Variants in TRPM3 observed in about 807,000 individuals in gnomAD.
TRPM3 encodes the protein long transient receptor potential channel 3.
A neutral mutation model predicts 181.2 loss-of-function variants in TRPM3; 77 were observed. The ratio of observed to expected loss-of-function variants is 0.42; its 90% CI spans 0.35 to 0.51. The LOEUF is 0.51. TRPM3 is among the 20% of genes least tolerant of loss of function. TRPM3 has a pLI of 0.01. For synonymous variants in TRPM3, 745 were observed against 796.4 expected (o/e 0.94, Z 1.09); for missense variants, 1,759 against 2,196.7 (o/e 0.80, Z 3.98).
chr9:70,871,929 A>T (rs1003529265), intron 1 of TRPM3, among the ~76,000 whole-genome samples: 1 of 152,038 alleles, frequency 6.6e-6, no homozygotes, highest in African/African-American at 2.4e-5. Flanking sequence ...ACTGGTACAC[A>T]ACTCCGTTTT....
At chr9:71,229,209 C>T (rs868333810) in intron 1 of TRPM3, among the ~76,000 whole-genome samples, 1 of 152,036 alleles carries the variant, frequency 6.6e-6, no homozygotes, top group Non-Finnish European at 1.5e-5. Context: ...CAAATGCATG[C>T]ATTGGGGAAT....
intron 1 of TRPM3, among the ~76,000 whole-genome samples, chr9:71,194,558 A>C (rs1741543045): frequency 6.6e-6 from 1 of 151,904 alleles, no homozygotes; most frequent in South Asian, 2.1e-4. Context: ...AGAAGATGGA[A>C]AGACACTGGG....
At chr9:71,390,087 G>C (rs1461526689) in intron 1 of TRPM3, among the ~76,000 whole-genome samples, 1 of 152,018 alleles carries the variant, frequency 6.6e-6, no homozygotes, top group African/African-American at 2.4e-5. Flanking sequence ...TGACACATGA[G>C]TTAAATAGAT....
At chr9:71,082,030 C>T (rs1212284481) in intron 1 of TRPM3, among the ~76,000 whole-genome samples, 1 of 152,066 alleles carries the variant, frequency 6.6e-6, no homozygotes, top group Non-Finnish European at 1.5e-5. Flanking sequence ...TTAAACAAAT[C>T]CATATTGAAA....
chr9:71,121,102 C>A, intron 1 of TRPM3, 76 bp downstream of exon 1: 1 of 1,480,098 alleles, frequency 6.8e-7, no homozygotes, highest in Non-Finnish European at 9.3e-7. Context: ...AGGTGCGTCC[C>A]AGCCCAAGTC....
chr9:70,660,750 AC>A (rs751629171), intron 9 of TRPM3, among the ~76,000 whole-genome samples: 1 of 152,086 alleles, frequency 6.6e-6, no homozygotes, highest in Non-Finnish European at 1.5e-5. Context: ...AGAAATAGAA[AC>A]CCTGAAAAGA....
At chr9:71,289,058 T>C (rs2085549201) in intron 1 of TRPM3, among the ~76,000 whole-genome samples, 1 of 152,088 alleles carries the variant, frequency 6.6e-6, no homozygotes, top group Admixed American at 6.6e-5. Context: ...GTAATGGACG[T>C]GTAGCACCTC....
intron 1 of TRPM3, among the ~76,000 whole-genome samples, chr9:71,289,211 T>C (rs1264630440): frequency 6.6e-6 from 1 of 152,112 alleles, no homozygotes; most frequent in Non-Finnish European, 1.5e-5. Context: ...GCAGGATTTA[T>C]CTTGCAAACC....
At chr9:71,428,814 T>C (rs1022579878) in intron 1 of TRPM3, among the ~76,000 whole-genome samples, 1 of 152,080 alleles carries the variant, frequency 6.6e-6, no homozygotes, top group East Asian at 1.9e-4. Context: ...AATCCTTGAG[T>C]AGGTACTGAA....
chr9:71,032,018 T>TA (rs1269097154), intron 1 of TRPM3, among the ~76,000 whole-genome samples: 890 of 1,690 alleles, frequency 0.53, 243 homozygotes, highest in Non-Finnish European at 0.59. Flanking sequence ...ATATATAATA[T>TA]ATATATATAA....
Position 71,109,684 on chromosome 9 carries a change from A to C in TRPM3, c.177+11494T>G, listed in dbSNP as rs527938723. Among the ~76,000 whole-genome samples the C allele has an allele frequency of 4.6e-5, 7 of 152,294 alleles. No individual in the cohort carries two copies. In the East Asian group the frequency reaches 1.2e-3, roughly 25 times the overall value. On this transcript the variant is annotated intron_variant, in intron 1 of 25. Transcript: ENST00000677713. ...TACCAATGTTTATTATTAATGCATG[A>C]TATAACTCTATAATCTAGTTGGGCC...
At chr9:71,446,725 G>T (rs991288366) in exon 1 of TRPM3, 1 of 1,550,564 alleles carries the variant, frequency 6.4e-7, no homozygotes, top group Non-Finnish European at 8.7e-7. Flanking sequence ...TCCACGACTC[G>T]GCAAACCTGC....
In TRPM3 at chr9:71,148,115, A is replaced by G. The variant is rs2075528709; in HGVS notation, c.184-283604T>C. Among the ~76,000 whole-genome samples, 3 of 152,230 alleles carry G rather than the reference A, an allele frequency of 2.0e-5. No homozygotes were observed. The Middle Eastern group carries it at 0.01, about 518-fold the overall frequency. ...GTAAAAGAATTTTCTGAAGTTAAAA[A>G]AAAAAATCTCAATTTATTACAGTTT... On this transcript the variant is annotated intron_variant, in intron 1 of 24. Coordinates refer to the TRPM3 transcript ENST00000357533.
chr9:71,385,393 C>G (rs928791761), intron 1 of TRPM3, among the ~76,000 whole-genome samples: 5 of 152,184 alleles, frequency 3.3e-5, no homozygotes, highest in Non-Finnish European at 7.3e-5. Flanking sequence ...GTAAATTTAA[C>G]TTATGGAACT....
intron 7 of TRPM3, among the ~76,000 whole-genome samples, chr9:70,764,611 G>C (rs952938591): frequency 6.6e-6 from 1 of 152,144 alleles, no homozygotes; most frequent in Non-Finnish European, 1.5e-5. Flanking sequence ...TTTCCCAGTT[G>C]CTGAAGTTGT....
intron 1 of TRPM3, among the ~76,000 whole-genome samples, chr9:71,206,702 G>A (rs570564071): frequency 1.3e-5 from 2 of 151,994 alleles, no homozygotes; most frequent in African/African-American, 4.8e-5. Context: ...TTTCTTCTAG[G>A]ATTTTTATGG....
chr9:70,621,180 C>A (rs1161079065), intron 15 of TRPM3, 64 bp downstream of exon 15: 1 of 974,914 alleles, frequency 1.0e-6, no homozygotes, highest in Non-Finnish European at 1.5e-6. Context: ...ATATATGTAG[C>A]ATATATATAA....
chr9:70,568,844 G>A (rs2051364777), intron 22 of TRPM3, among the ~76,000 whole-genome samples: 1 of 152,144 alleles, frequency 6.6e-6, no homozygotes, highest in Non-Finnish European at 1.5e-5. Context: ...CTGGGTCAGT[G>A]GCTGTCAACT....
chr9:71,035,004 G>T (rs17056184), intron 1 of TRPM3, among the ~76,000 whole-genome samples: 2 of 151,520 alleles, frequency 1.3e-5, no homozygotes, highest in Non-Finnish European at 2.9e-5. Context: ...CTGTTTCCTC[G>T]AGCTTATTCC....
Sources: allele counts gnomAD v4.1 joint callset (sites outside exome capture counted in the v4.1 genomes callset), GRCh38; gene constraint gnomAD v4.1.1; transcripts MANE v1.5; gene names NCBI Gene and HGNC (gene_info 2026-07-23, HGNC 2026-07-21).